Variants in MSRB3 observed in about 807,000 individuals in gnomAD.
The protein encoded by MSRB3 is methionine sulfoxide reductase B3.
MSRB3 carries 13 observed loss-of-function variants against 21.0 expected under a neutral mutation model. That is an observed-to-expected ratio of 0.62 (90% confidence interval 0.40 to 0.98). The LOEUF is 0.98. Ranked by LOEUF, MSRB3 falls within the 50% of genes least tolerant of loss-of-function variation. The pLI, the probability that MSRB3 is intolerant of heterozygous loss-of-function variation, is 0.00. For missense variants in MSRB3, 199 were observed against 230.3 expected (o/e 0.86, Z 0.88); for synonymous variants, 87 against 88.6 (o/e 0.98, Z 0.10).
intron 5 of MSRB3, among the ~76,000 whole-genome samples, chr12:65,399,717 A>G (rs1441235456): frequency 6.6e-6 from 1 of 152,192 alleles, no homozygotes; most frequent in African/African-American, 2.4e-5. Context: ...TTGCCCATTC[A>G]GTATGATATT....
Position 65,435,388 on chromosome 12 carries a change from T to G in MSRB3, c.293-18340T>G, listed in dbSNP as rs999215275. ...CTACGTAATCCTAGTTGCTAGTTTA[T>G]TTAGCCATTTCTATAGGGATGTTTT... On this transcript the variant is annotated intron_variant, in intron 5 of 6. Transcript: ENST00000308259. Among the ~76,000 whole-genome samples the G allele has an allele frequency of 3.9e-5, 6 of 151,962 alleles. No homozygotes were observed. The East Asian group carries it at 9.6e-4, about 24-fold the overall frequency.
chr12:65,291,032 A>T (rs1872635659), intron 1 of MSRB3, among the ~76,000 whole-genome samples: 2 of 151,666 alleles, frequency 1.3e-5, no homozygotes, highest in Admixed American at 1.3e-4. Context: ...TACAGCTTTA[A>T]TTTTTTCCTA....
intron 4 of MSRB3, among the ~76,000 whole-genome samples, chr12:65,330,589 C>T (rs565459998): frequency 4.3e-4 from 65 of 152,162 alleles, no homozygotes; most frequent in African/African-American, 1.6e-3. Flanking sequence ...CGTCTTCCTC[C>T]CATCTCCTCT....
At chr12:65,384,268 C>T (rs920751525) in intron 5 of MSRB3, among the ~76,000 whole-genome samples, 3 of 151,976 alleles carry the variant, frequency 2.0e-5, no homozygotes, top group Admixed American at 6.6e-5. Flanking sequence ...ATGATTTTTT[C>T]GAAAGATATT....
intron 4 of MSRB3, among the ~76,000 whole-genome samples, chr12:65,334,264 T>C (rs771196384): frequency 6.6e-6 from 1 of 152,234 alleles, no homozygotes; most frequent in Non-Finnish European, 1.5e-5. Context: ...TTACCATATG[T>C]CAGGCATGGT....
At position 65,429,804 on chromosome 12, in the gene MSRB3, A is replaced by C. The variant is rs1305821946; in HGVS notation, c.293-23924A>C. Among the ~76,000 whole-genome samples, 3 of 152,232 alleles carry C rather than the reference A, an allele frequency of 2.0e-5. No individual in the cohort carries two copies. The East Asian group carries it at 5.8e-4, about 29-fold the overall frequency. ...TCAGGATGATGTGAATGATGATTGC[A>C]GAGGAACTGGATATGCACAGTTCAT... On this transcript the variant is annotated intron_variant, in intron 5 of 6. Transcript: ENST00000308259.
intron 4 of MSRB3, among the ~76,000 whole-genome samples, chr12:65,356,457 C>CT (rs1475951494): frequency 1.3e-5 from 2 of 151,508 alleles, no homozygotes; most frequent in Admixed American, 6.6e-5. Context: ...TGTGAGGGGA[C>CT]TTTTTTAAAA....
At chr12:65,360,613 C>G (rs1347392728) in intron 4 of MSRB3, among the ~76,000 whole-genome samples, 1 of 152,080 alleles carries the variant, frequency 6.6e-6, no homozygotes, top group Non-Finnish European at 1.5e-5. Context: ...CTCTGTTTTC[C>G]TCTTTCTTTA....
chr12:65,438,436 C>T (rs1287650865), intron 5 of MSRB3, among the ~76,000 whole-genome samples: 2 of 151,854 alleles, frequency 1.3e-5, no homozygotes, highest in Non-Finnish European at 2.9e-5. Flanking sequence ...CTCAAGTCTA[C>T]AGACTGAATA....
At chr12:65,410,438 T>C (rs1352778141) in intron 5 of MSRB3, among the ~76,000 whole-genome samples, 1 of 152,080 alleles carries the variant, frequency 6.6e-6, no homozygotes, top group Admixed American at 6.6e-5. Flanking sequence ...GGCGGATCAC[T>C]TGAGGCCAGC....
At chr12:65,444,564 G>A (rs931566973) in intron 5 of MSRB3, among the ~76,000 whole-genome samples, 2 of 152,188 alleles carry the variant, frequency 1.3e-5, no homozygotes, top group Non-Finnish European at 2.9e-5. Flanking sequence ...GATGGGATGA[G>A]TGATAGGGAC....
intron 5 of MSRB3, among the ~76,000 whole-genome samples, chr12:65,387,586 TCAGA>T (rs1429530753): frequency 6.6e-6 from 1 of 152,142 alleles, no homozygotes; most frequent in Non-Finnish European, 1.5e-5. Context: ...AGGGCTTGAG[TCAGA>T]CAGACCATCA....
chr12:65,463,348 G>C lies in MSRB3; in HGVS notation c.*26G>C. 6.2e-7 allele frequency: 1 copy of C among 1,613,766 alleles called. No homozygotes were observed. Among genetic ancestry groups the C allele is most frequent in the Non-Finnish European group, 8.5e-7 (1 of 1,179,790 alleles). ...AGTAATGGAGAGTGATGGAAACAAA[G>C]TGTACTTAATGCACAGCTTATTAAA... On this transcript the variant is annotated 3_prime_UTR_variant, in exon 7 of 7. Transcript: ENST00000308259.
intron 2 of MSRB3, among the ~76,000 whole-genome samples, chr12:65,317,952 C>G (rs1056994313): frequency 6.6e-6 from 1 of 152,126 alleles, no homozygotes; most frequent in Non-Finnish European, 1.5e-5. Context: ...TTTTTCTCAG[C>G]CACATTACTA....
intron 6 of MSRB3, among the ~76,000 whole-genome samples, chr12:65,455,964 C>G (rs549743623): frequency 6.6e-6 from 1 of 152,046 alleles, no homozygotes; most frequent in Non-Finnish European, 1.5e-5. Context: ...CTTGAACTCC[C>G]GAGCTCAAGT....
intron 5 of MSRB3, among the ~76,000 whole-genome samples, chr12:65,403,026 A>G (rs1474376951): frequency 2.0e-5 from 3 of 152,184 alleles, no homozygotes; most frequent in South Asian, 2.1e-4. Flanking sequence ...GCTCTCCTGT[A>G]TGAGGTGTCT....
At chr12:65,398,308 G>C (rs1879926481) in intron 5 of MSRB3, among the ~76,000 whole-genome samples, 1 of 152,114 alleles carries the variant, frequency 6.6e-6, no homozygotes, top group Admixed American at 6.5e-5. Flanking sequence ...CATTCTAACT[G>C]GTGTGAGATG....
intron 5 of MSRB3, among the ~76,000 whole-genome samples, chr12:65,407,086 C>T (rs892172117): frequency 1.3e-5 from 2 of 152,114 alleles, no homozygotes; most frequent in South Asian, 2.1e-4. Context: ...ATCAAAACAT[C>T]ATAGTACTAG....
chr12:65,292,997 G>A (rs1250031213), intron 1 of MSRB3, among the ~76,000 whole-genome samples: 1 of 152,104 alleles, frequency 6.6e-6, no homozygotes, highest in African/African-American at 2.4e-5. Flanking sequence ...AGTAAAAGCA[G>A]AATTCCATGT....
Sources: gnomAD v4.1 joint callset for allele counts (sites outside exome capture counted in the v4.1 genomes callset) on GRCh38, gnomAD v4.1.1 for gene constraint, MANE v1.5 for transcripts, NCBI Gene and HGNC (gene_info 2026-07-23, HGNC 2026-07-21) for gene names.